Variants in AFF3 observed in about 807,000 individuals in gnomAD.
AFF3 encodes ALF transcription elongation factor 3, also known as AF4/FMR2 family member 3.
In AFF3, 32 loss-of-function variants were observed where a neutral mutation model predicts 129.7. The observed-to-expected ratio is 0.25, with a 90% CI of 0.19 to 0.33. The LOEUF (loss-of-function observed/expected upper bound fraction) is 0.33, where lower values mean the gene tolerates loss of function less well. AFF3 is among the 10% of genes least tolerant of loss of function. The probability of loss-of-function intolerance (pLI) is 1.00; values close to 1 mark genes in which losing one functional copy is unlikely to be tolerated. For synonymous variants in AFF3, 644 were observed against 635.4 expected (o/e 1.01, Z -0.20); for missense variants, 1,373 against 1,592.0 (o/e 0.86, Z 2.34).
At chr2:99,843,319 CCT>C (rs1689459949) in intron 7 of AFF3, among the ~76,000 whole-genome samples, 2 of 152,178 alleles carry the variant, frequency 1.3e-5, no homozygotes, top group South Asian at 2.1e-4. Flanking sequence ...TGTACCATCC[CCT>C]GTCAGGGGCT....
chr2:99,725,451 T>A (rs1382518928), intron 11 of AFF3, among the ~76,000 whole-genome samples: 1 of 152,166 alleles, frequency 6.6e-6, no homozygotes, highest in Non-Finnish European at 1.5e-5. Flanking sequence ...TGCCTCAGCC[T>A]CCCGTGTAGC....
At chr2:99,788,066 G>A (rs764802776) in intron 8 of AFF3, among the ~76,000 whole-genome samples, 12 of 152,188 alleles carry the variant, frequency 7.9e-5, no homozygotes, top group Non-Finnish European at 1.2e-4. Flanking sequence ...CCATTGTGGT[G>A]ATGCTGGCGT....
chr2:99,849,418 C>T lies in AFF3; in HGVS notation c.874-11894G>A, dbSNP rs560374611. On this transcript the variant is annotated intron_variant, in intron 7 of 24. Transcript: ENST00000672756. ...CTCAAAATCACCAGAGGTTGTGTGG[C>T]GCAGTAGGCAGGAACATGGACCTTT... Among the ~76,000 whole-genome samples, 8 of 152,198 alleles carry T rather than the reference C, an allele frequency of 5.3e-5. No individual in the cohort carries two copies. The South Asian group carries it at 1.7e-3, about 32-fold the overall frequency.
intron 13 of AFF3, among the ~76,000 whole-genome samples, chr2:99,626,230 AT>A (rs1433371545): frequency 6.6e-6 from 1 of 152,200 alleles, no homozygotes; most frequent in African/African-American, 2.4e-5. Flanking sequence ...CCTAGAGTCC[AT>A]TTCCCAAGCT....
chr2:99,974,789 T>C (rs1360574887), intron 7 of AFF3, among the ~76,000 whole-genome samples: 6 of 152,262 alleles, frequency 3.9e-5, no homozygotes, highest in Non-Finnish European at 2.9e-5. Context: ...ATGAGATCTG[T>C]TGGAGTCCCT....
intron 8 of AFF3, among the ~76,000 whole-genome samples, chr2:99,810,739 C>T (rs1171106762): frequency 6.6e-6 from 1 of 152,180 alleles, no homozygotes; most frequent in African/African-American, 2.4e-5. Flanking sequence ...TAGAGTTTGA[C>T]CGCTAAAAGT....
chr2:100,110,526 T>A (rs1691477634), intron 2 of AFF3, among the ~76,000 whole-genome samples: 1 of 152,210 alleles, frequency 6.6e-6, no homozygotes, highest in Non-Finnish European at 1.5e-5. Context: ...AAGCTGCAAA[T>A]GCAGCAATTA....
intron 13 of AFF3, among the ~76,000 whole-genome samples, chr2:99,628,881 C>A (rs1353161758): frequency 6.6e-6 from 1 of 152,094 alleles, no homozygotes; most frequent in East Asian, 1.9e-4. Context: ...CCACCATGCC[C>A]AGTTAATTTT....
At position 99,996,984 on chromosome 2, in the gene AFF3, A is replaced by G. The variant is rs544739115; in HGVS notation, c.873+9648T>C. 2.6e-5 allele frequency among the ~76,000 whole-genome samples: 4 copies of G among 151,676 alleles called. No homozygotes were observed. In the South Asian group the frequency reaches 6.3e-4, roughly 24 times the overall value. On this transcript the variant is annotated intron_variant, in intron 7 of 24. Coordinates refer to ENST00000672756, the MANE Select transcript of AFF3 (RefSeq NM_001386135.1). ...TATACTCTACGTTTTCTTCCTACCT[A>G]CTGATCCCTTCTTCTCTTTTCTGCT...
intron 14 of AFF3, among the ~76,000 whole-genome samples, chr2:99,595,762 G>A (rs948599654): frequency 4.6e-5 from 7 of 152,104 alleles, no homozygotes; most frequent in African/African-American, 1.7e-4. Flanking sequence ...GGCTGAGTCC[G>A]GGCACAACTC....
chr2:99,797,776 G>C (rs565146626), intron 8 of AFF3, among the ~76,000 whole-genome samples: 12 of 151,986 alleles, frequency 7.9e-5, no homozygotes, highest in Non-Finnish European at 1.5e-4. Flanking sequence ...AACATGGAAA[G>C]AAAATAAATA....
At chr2:99,719,095 T>G (rs1286658524) in intron 11 of AFF3, among the ~76,000 whole-genome samples, 1 of 126,834 alleles carries the variant, frequency 7.9e-6, no homozygotes, top group Non-Finnish European at 1.6e-5. Flanking sequence ...TTAGAATAAA[T>G]AAGTTTCCTT....
At chr2:99,786,939 C>T (rs999151522) in intron 8 of AFF3, among the ~76,000 whole-genome samples, 4 of 152,050 alleles carry the variant, frequency 2.6e-5, no homozygotes, top group South Asian at 2.1e-4. Flanking sequence ...TTTATTGTAT[C>T]TATATATACA....
chr2:99,595,713 A>G (rs957864166), intron 14 of AFF3, among the ~76,000 whole-genome samples: 2 of 152,180 alleles, frequency 1.3e-5, no homozygotes, highest in Non-Finnish European at 2.9e-5. Context: ...GGATTTCAGA[A>G]GGGGAATAAG....
rs976816688 is a variant in AFF3 at position 99,548,194 on chromosome 2, T to C, written c.*3280A>G. 1.0e-5 allele frequency: 2 copies of C among 195,768 alleles called. No individual in the cohort carries two copies. The highest frequency in any genetic ancestry group is 6.1e-5 in the Admixed American group (1 of 16,388). 12.1% of individuals were successfully genotyped at this position (195,768 alleles called of 1,614,324 possible). A position where few individuals can be genotyped will look rare whatever the true frequency, so the allele number is the denominator to read the frequency against. The stretch of plus-strand genomic sequence containing the variant: ...CATCTATTCAGGTCATGGAAGGATA[T>C]GGTCAGTTGAACTTGTGTTGAACTT... On this transcript the variant is annotated 3_prime_UTR_variant, in exon 25 of 25. Transcript: ENST00000672756.
chr2:100,039,585 T>C (rs768795412), intron 4 of AFF3, among the ~76,000 whole-genome samples: 2 of 152,014 alleles, frequency 1.3e-5, no homozygotes, highest in Non-Finnish European at 1.5e-5. Context: ...CCCTCCCCCA[T>C]GGCCAATGAC....
Position 99,740,908 on chromosome 2 carries a change from TTTC to T in AFF3, c.1039+3193_1039+3195del, listed in dbSNP as rs1680668742. 2.0e-5 allele frequency among the ~76,000 whole-genome samples: 3 copies of T among 152,182 alleles called. No individual in the cohort carries two copies. The South Asian group carries it at 6.2e-4, about 32-fold the overall frequency. The stretch of plus-strand genomic sequence containing the variant: ...ATGTCCTGAATAGTAATGCCTAGGT[TTTC>T]TTCTAGGGTTTTTATGGTTTTAGGT... On this transcript the variant is annotated intron_variant, in intron 10 of 24. Coordinates refer to ENST00000672756, the MANE Select transcript of AFF3 (RefSeq NM_001386135.1).
Position 99,560,448 on chromosome 2 carries a change from C to T in AFF3, c.3120-12G>A, listed in dbSNP as rs370144255. 189 of 1,609,282 alleles carry T rather than the reference C, an allele frequency of 1.2e-4. No individual in the cohort carries two copies. The highest frequency in any genetic ancestry group is 1.7e-4 in the Middle Eastern group (1 of 6,036). On this transcript the variant is annotated splice_polypyrimidine_tract_variant and intron_variant, in intron 20 of 24. Transcript: ENST00000672756. ...GTCTCATAGCATACCTTAGAAAAAG[C>T]GGGGAGGAGGAATAGAATAAAAAAC...
intron 7 of AFF3, among the ~76,000 whole-genome samples, chr2:99,869,784 A>T (rs998463291): frequency 1.3e-5 from 2 of 152,156 alleles, no homozygotes; most frequent in African/African-American, 4.8e-5. Context: ...ATTCAGGGGG[A>T]AAAGTTACAT....
Sources: gnomAD v4.1 joint callset for allele counts (sites outside exome capture counted in the v4.1 genomes callset) on GRCh38, gnomAD v4.1.1 for gene constraint, MANE v1.5 for transcripts, NCBI Gene and HGNC (gene_info 2026-07-23, HGNC 2026-07-21) for gene names.